Variants in STX8 observed in about 807,000 individuals in gnomAD.
STX8 encodes syntaxin-8.
STX8 carries 23 observed loss-of-function variants against 37.5 expected under a neutral mutation model. The observed-to-expected ratio is 0.61, with a 90% CI of 0.44 to 0.87. The LOEUF is 0.87. Ranked by LOEUF, STX8 falls within the 40% of genes least tolerant of loss-of-function variation. The pLI, the probability that STX8 is intolerant of heterozygous loss-of-function variation, is 0.00. For synonymous variants in STX8, 115 were observed against 99.1 expected (o/e 1.16, Z -0.95); for missense variants, 313 against 284.7 (o/e 1.10, Z -0.71).
chr17:9,268,913 T>A (rs147982840), intron 7 of STX8, among the ~76,000 whole-genome samples: 1 of 152,094 alleles, frequency 6.6e-6, no homozygotes, highest in Non-Finnish European at 1.5e-5. Flanking sequence ...CCAGGCCGGG[T>A]GCAGTGGCTC....
intron 7 of STX8, among the ~76,000 whole-genome samples, chr17:9,346,402 T>C (rs1383532729): frequency 6.6e-6 from 1 of 152,182 alleles, no homozygotes; most frequent in African/African-American, 2.4e-5. Context: ...GCACTCTGCC[T>C]GTCCATCCCA....
intron 6 of STX8, among the ~76,000 whole-genome samples, chr17:9,391,256 C>G (rs1912209198): frequency 6.7e-6 from 1 of 149,932 alleles, no homozygotes; most frequent in Admixed American, 6.6e-5. Context: ...GAGTTCGAGA[C>G]CAGCCCGGCC....
intron 4 of STX8, among the ~76,000 whole-genome samples, chr17:9,524,271 A>C (rs1471518299): frequency 6.6e-6 from 1 of 152,204 alleles, no homozygotes; most frequent in Non-Finnish European, 1.5e-5. Flanking sequence ...ATAACCAAAT[A>C]CCTCAGACTG....
At chr17:9,488,728 A>G (rs927284565) in intron 6 of STX8, among the ~76,000 whole-genome samples, 1 of 152,124 alleles carries the variant, frequency 6.6e-6, no homozygotes, top group African/African-American at 2.4e-5. Context: ...CACCCTGCCC[A>G]TGCCTTAGTT....
chr17:9,252,460 T>C (rs1427474564), intron 7 of STX8, among the ~76,000 whole-genome samples: 1 of 149,296 alleles, frequency 6.7e-6, no homozygotes, highest in Non-Finnish European at 1.5e-5. Context: ...AAAAAAAATA[T>C]TAGCCAGGTG....
chr17:9,536,033 C>T (rs1906037325), intron 4 of STX8, among the ~76,000 whole-genome samples: 1 of 152,074 alleles, frequency 6.6e-6, no homozygotes, highest in African/African-American at 2.4e-5. Flanking sequence ...ATAATATATT[C>T]CTATTTGCTG....
intron 2 of STX8, 34 bp downstream of exon 2, chr17:9,568,337 A>G: frequency 6.4e-7 from 1 of 1,559,934 alleles, no homozygotes; most frequent in Non-Finnish European, 8.8e-7. Flanking sequence ...AAACTCAAAC[A>G]AATCATTGGG....
intron 4 of STX8, among the ~76,000 whole-genome samples, chr17:9,518,077 T>G (rs1905208223): frequency 6.6e-6 from 1 of 152,076 alleles, no homozygotes; most frequent in Non-Finnish European, 1.5e-5. Context: ...ATCTCATAAT[T>G]TTAACTTTCT....
rs376953283 is a variant in STX8, at chr17:9,382,955, T to C, written c.542-4302A>G. ...TGATGACATTTGGATGTGGGGCCTT[T>C]GGGAGGTGAATGGTGATGAGAGTAA... On this transcript the variant is annotated intron_variant, in intron 6 of 7. Coordinates refer to ENST00000306357, the MANE Select transcript of STX8 (RefSeq NM_004853.3). Among the ~76,000 whole-genome samples the C allele has an allele frequency of 5.9e-5, 9 of 152,322 alleles. No individual in the cohort carries two copies. In the East Asian group the frequency reaches 1.3e-3, roughly 23 times the overall value.
At chr17:9,333,427 A>C (rs557174626) in intron 7 of STX8, among the ~76,000 whole-genome samples, 1 of 152,192 alleles carries the variant, frequency 6.6e-6, no homozygotes, top group African/African-American at 2.4e-5. Context: ...TTGCTCTGTC[A>C]CCCAGGCTGG....
rs867700689 is a variant in STX8 at position 9,454,673 on chromosome 17, G to T, written c.541+37156C>A. Reference sequence around the variant, plus strand: ...CCAGCCTGGGCGACAGAGCGAGACTGTCTCAAAAAAAAAAAAACAAAAAAA... The same window carrying T: ...CCAGCCTGGGCGACAGAGCGAGACTTTCTCAAAAAAAAAAAAACAAAAAAA... On this transcript the variant is annotated intron_variant, in intron 6 of 7. Coordinates refer to ENST00000306357, the MANE Select transcript of STX8 (RefSeq NM_004853.3). Among the ~76,000 whole-genome samples the T allele has an allele frequency of 3.2e-3, 124 of 39,206 alleles. 2 individuals carry two copies. In the Admixed American group the frequency reaches 0.047, roughly 15 times the overall value. 25.7% of individuals were successfully genotyped at this position (39,206 alleles called of 152,430 possible). A position where few individuals can be genotyped will look rare whatever the true frequency, so the allele number is the denominator to read the frequency against.
chr17:9,355,992 C>A (rs940449648), intron 7 of STX8, among the ~76,000 whole-genome samples: 1 of 152,146 alleles, frequency 6.6e-6, no homozygotes, highest in Non-Finnish European at 1.5e-5. Context: ...GACCACTGAT[C>A]CTTCCCATTC....
At position 9,501,113 on chromosome 17, in the gene STX8, T is replaced by C. The variant is rs113894868; in HGVS notation, c.448+3925A>G. ...AGGCATTGCTGAGAGAATTTGAGAC[T>C]CAATAGTGTTAAAATATCAATTCTC... On this transcript the variant is annotated intron_variant, in intron 5 of 7. Transcript: ENST00000306357. 6.0e-3 allele frequency among the ~76,000 whole-genome samples: 918 copies of C among 152,288 alleles called. 8 individuals are homozygous for C. Among genetic ancestry groups the C allele is most frequent in the Middle Eastern group, 0.01 (3 of 294 alleles).
At chr17:9,548,242 T>C (rs1053393638) in intron 3 of STX8, among the ~76,000 whole-genome samples, 4 of 151,968 alleles carry the variant, frequency 2.6e-5, no homozygotes, top group African/African-American at 9.7e-5. Flanking sequence ...GTAGCTGGGA[T>C]TACATGCACA....
At chr17:9,361,919 A>C (rs1911075210) in intron 7 of STX8, among the ~76,000 whole-genome samples, 1 of 152,332 alleles carries the variant, frequency 6.6e-6, no homozygotes, top group African/African-American at 2.4e-5. Context: ...GCACGCCTCC[A>C]TTTGATTCAT....
At position 9,373,195 on chromosome 17, in the gene STX8, C is replaced by A. The variant is rs148640178; in HGVS notation, c.643+5357G>T. ...AGAGTTTAGAGGCTGAAAGCAAAAC[C>A]AAGCCAGGCTAATATGAAGGTTCCT... On this transcript the variant is annotated intron_variant, in intron 7 of 7. Transcript: ENST00000306357. 2.2e-3 allele frequency among the ~76,000 whole-genome samples: 341 copies of A among 151,588 alleles called. 1 individual carries two copies. The highest frequency in any genetic ancestry group is 7.8e-3 in the African/African-American group (323 of 41,366).
intron 7 of STX8, among the ~76,000 whole-genome samples, chr17:9,291,572 T>G (rs544632778): frequency 6.6e-6 from 1 of 152,260 alleles, no homozygotes; most frequent in East Asian, 1.9e-4. Flanking sequence ...AATGCTCAAA[T>G]ATGGTATTAG....
At chr17:9,375,548 CATAT>C (rs1911551846) in intron 7 of STX8, among the ~76,000 whole-genome samples, 1 of 152,078 alleles carries the variant, frequency 6.6e-6, no homozygotes, top group Non-Finnish European at 1.5e-5. Flanking sequence ...ACAAAAACAA[CATAT>C]ATAACATTGT....
chr17:9,351,527 G>A (rs1910706891), intron 7 of STX8, among the ~76,000 whole-genome samples: 2 of 152,078 alleles, frequency 1.3e-5, no homozygotes, highest in Admixed American at 1.3e-4. Flanking sequence ...TCATATCATT[G>A]TTAATCTGAA....
Sources: gnomAD v4.1 joint callset for allele counts (sites outside exome capture counted in the v4.1 genomes callset) on GRCh38, gnomAD v4.1.1 for gene constraint, MANE v1.5 for transcripts, NCBI Gene and HGNC (gene_info 2026-07-23, HGNC 2026-07-21) for gene names.